The following EML3 variants were observed in gnomAD, a reference collection of about 807,000 sequenced individuals.
The protein encoded by EML3 is echinoderm microtubule-associated protein-like 3.
Under a neutral mutation model 106.7 loss-of-function variants are expected in EML3, and 53 were observed. That is an observed-to-expected ratio of 0.50 (90% confidence interval 0.40 to 0.62). The LOEUF (loss-of-function observed/expected upper bound fraction) is 0.62, where lower values mean the gene tolerates loss of function less well. Among genes scored for constraint, EML3 ranks in the 20% least tolerant of loss-of-function variants. The pLI, the probability that EML3 is intolerant of heterozygous loss-of-function variation, is 0.00. For synonymous variants in EML3, 499 were observed against 489.6 expected (o/e 1.02, Z -0.25); for missense variants, 994 against 1,209.1 (o/e 0.82, Z 2.64).
chr11:62,609,086 G>T lies in EML3; in HGVS notation c.805C>A (p.Arg269Ser), dbSNP rs372168474. ...ATAAAGTAGACCACCTCCCCAGAGC[G>T]CAACACAAACAGATTAGAGCGGGAG... ...RDSRSNLFVLRSGEVVYFIAC... is the reference protein window; with the variant it reads ...RDSRSNLFVLSSGEVVYFIAC... The change falls in exon 7 of 22, where the codon CGC becomes AGC. Residue 269 changes from arginine to serine, a missense_variant. Arg to Ser is a moderately radical substitution (Grantham distance 110). Transcript: ENST00000394773. The T allele has an allele frequency of 6.2e-7, 1 of 1,613,922 alleles. No homozygotes were observed. Among genetic ancestry groups the T allele is most frequent in the Admixed American group, 1.7e-5 (1 of 59,994 alleles).
At position 62,605,451 on chromosome 11, in the gene EML3, C is replaced by A. The variant is rs1942460025; in HGVS notation, c.1914+191G>T. 2 of 835,380 alleles carry A rather than the reference C, an allele frequency of 2.4e-6. No individual in the cohort carries two copies. The highest frequency in any genetic ancestry group is 1.8e-6 in the Non-Finnish European group (1 of 561,174). The allele number at this position is 835,380 out of a possible 1,614,324, so 51.7% of individuals were successfully genotyped here. A position where few individuals can be genotyped will look rare whatever the true frequency, so the allele number is the denominator to read the frequency against. On this transcript the variant is annotated intron_variant, in intron 15 of 21. Coordinates refer to ENST00000394773, the MANE Select transcript of EML3 (RefSeq NM_153265.3). This position sits in a 1 kb window ranked among gnomAD's most constrained non-coding sequence, Gnocchi z 5.2. Reference sequence around the variant, plus strand: ...GGGGTTCTGGGGGCGGCAGGGAGTGCCCAGGTGGTACTAGAAGCATCAGCT... The same window carrying A: ...GGGGTTCTGGGGGCGGCAGGGAGTGACCAGGTGGTACTAGAAGCATCAGCT...
chr11:62,607,542 G>GAAAA, intron 11 of EML3, 124 bp downstream of exon 11: 1 of 950,678 alleles, frequency 1.1e-6, no homozygotes, highest in South Asian at 2.1e-5. Context: ...CGTCTCAAAA[G>GAAAA]AAAAAAAAAA....
Position 62,608,286 on chromosome 11 carries a change from G to A in EML3, c.1121C>T (p.Ala374Val), listed in dbSNP as rs751348632. The A allele has an allele frequency of 6.2e-6, 10 of 1,613,918 alleles. No homozygotes were observed. Among genetic ancestry groups the A allele is most frequent in the Non-Finnish European group, 7.6e-6 (9 of 1,179,994 alleles). Residue 374 changes from alanine to valine, a missense_variant, in exon 10 of 22, where the codon GCC becomes GTC. Physicochemically the swap from Ala to Val is moderately conservative, Grantham distance 64. Around this residue, in one of 3 missense-constraint regions of EML3, gnomAD observed 713 missense variants for 920.5 expected, o/e 0.77. Coordinates refer to ENST00000394773, the MANE Select transcript of EML3 (RefSeq NM_153265.3). ...GGAATCATCCACCACACAAAGAAAG[G>A]CACCCTGATCCTGAAGAAGGGTGAC... ...ALAFSAADQG[A>V]FLCVVDDSNE...
intron 4 of EML3, among the ~76,000 whole-genome samples, chr11:62,610,497 T>C (rs1942754536): frequency 6.6e-6 from 1 of 152,112 alleles, no homozygotes; most frequent in Non-Finnish European, 1.5e-5. Context: ...TAGAAAAGCC[T>C]CTTGGGATCG....
Position 62,605,894 on chromosome 11 carries a change from C to CG in EML3, c.1742_1743insC (p.Arg582GlufsTer17). 1.2e-6 allele frequency: 2 copies of CG among 1,614,234 alleles called. No individual in the cohort carries two copies. The highest frequency in any genetic ancestry group is 1.7e-6 in the Non-Finnish European group (2 of 1,180,046). ...AGAAGCCCTGGGCCAGGTCTCCCCT[C>CG]AGCAATGCATTCTTCGTGGTTCCCA... On this transcript the variant is annotated frameshift_variant, in exon 14 of 22. Coordinates refer to ENST00000394773, the MANE Select transcript of EML3 (RefSeq NM_153265.3). LOFTEE classifies it high-confidence loss of function. The surrounding 1 kb of genome is among the most constrained non-coding windows in gnomAD (Gnocchi z 5.2).
In EML3 at chr11:62,602,600, A is replaced by T; in HGVS notation, c.2566T>A (p.Ser856Thr). ...ATGCTGGCGTCCTTGCCGCCCAGCG[A>T]GACGAGGTGCGAGTCGTCGTGCGTG... ...RFTHDDSHLVSLGGKDASIFQ... is the reference protein window; with the variant it reads ...RFTHDDSHLVTLGGKDASIFQ... The change falls in exon 22 of 22, where the codon TCG becomes ACG. Residue 856 changes from serine to threonine, a missense_variant. This residue lies in a region of EML3 where 713 missense variants were observed against 920.5 expected (regional missense o/e 0.77). Transcript: ENST00000394773. 6.4e-7 allele frequency: 1 copy of T among 1,558,952 alleles called. No individual in the cohort carries two copies. Among genetic ancestry groups the T allele is most frequent in the Non-Finnish European group, 8.7e-7 (1 of 1,154,906 alleles).
At chr11:62,607,378 C>A in intron 11 of EML3, 1 of 465,930 alleles carries the variant, frequency 2.1e-6, no homozygotes, top group Non-Finnish European at 3.8e-6. Context: ...AACCGTATCT[C>A]TATTAAAAAT....
At chr11:62,609,507 C>T (rs757282927) in intron 5 of EML3, 30 bp from the exon 6 acceptor site, 1 of 1,543,190 alleles carries the variant, frequency 6.5e-7, no homozygotes, top group Non-Finnish European at 8.8e-7. Flanking sequence ...TGTCAACTAC[C>T]CCCTTCCAGG....
At position 62,608,917 on chromosome 11, in the gene EML3, C is replaced by T. The variant is rs201065618; in HGVS notation, c.929+45G>A. On this transcript the variant is annotated intron_variant, in intron 7 of 21. Transcript: ENST00000394773. ...CTCTTTTCTCCTGCTTCTCCATCCCCCCAGACCCTCTTCCTGCCAAGCCCA... is the reference window on the plus strand; with the variant it reads ...CTCTTTTCTCCTGCTTCTCCATCCCTCCAGACCCTCTTCCTGCCAAGCCCA... The T allele has an allele frequency of 1.4e-5, 23 of 1,608,732 alleles. No homozygotes were observed. The East Asian group carries it at 4.9e-4, about 34-fold the overall frequency.
At position 62,606,971 on chromosome 11, in the gene EML3, C is replaced by T. The variant is rs1233155819; in HGVS notation, c.1491G>A (p.Arg497=). The change falls in exon 12 of 22, where the codon AGG becomes AGA. Residue 497 remains arginine, a synonymous_variant. Transcript: ENST00000394773. ...RSPSDSKTPG[R]GGAKETYGIV... ...CCAGCCACATACCTTTGGCGCCACC[C>T]CTGCCTGGGGTCTTGGAATCTGAAG... The T allele has an allele frequency of 6.2e-7, 1 of 1,613,916 alleles. No individual in the cohort carries two copies. Among genetic ancestry groups the T allele is most frequent in the Non-Finnish European group, 8.5e-7 (1 of 1,179,928 alleles).
chr11:62,608,493 G>A (rs1165532009), intron 9 of EML3, 49 bp downstream of exon 9: 4 of 1,558,544 alleles, frequency 2.6e-6, no homozygotes, highest in Non-Finnish European at 3.5e-6. Context: ...ATGCAAGAGT[G>A]GGGTTCCTAG....
intron 12 of EML3, among the ~76,000 whole-genome samples, chr11:62,606,735 T>G (rs1182001811): frequency 6.6e-6 from 1 of 152,158 alleles, no homozygotes; most frequent in Non-Finnish European, 1.5e-5. Context: ...CGTGTGCCTG[T>G]ACTTCCAGCT....
chr11:62,609,568 G>C, intron 5 of EML3, 61 bp downstream of exon 5: 1 of 1,565,848 alleles, frequency 6.4e-7, no homozygotes, highest in Non-Finnish European at 8.7e-7. Flanking sequence ...TAGCTCCTGG[G>C]GCTACAGCCC....
At chr11:62,608,468 A>G (rs1309195923) in intron 9 of EML3, 74 bp downstream of exon 9, 1 of 1,503,766 alleles carries the variant, frequency 6.6e-7, no homozygotes, top group African/African-American at 1.4e-5. Context: ...AGAACTTCCA[A>G]GGCTTCCTGG....
In EML3 at chr11:62,602,456, C is replaced by A; in HGVS notation, c.*19G>T. On this transcript the variant is annotated 3_prime_UTR_variant, in exon 22 of 22. Transcript: ENST00000394773. ...GGCGGGGCCACGCCGCCGGGCCAGT[C>A]GGTCCCGCCAGGCAGCGATCAAACG... is the stretch of plus-strand genomic sequence containing the variant. 6.5e-7 allele frequency: 1 copy of A among 1,543,816 alleles called. No individual in the cohort carries two copies. The highest frequency in any genetic ancestry group is 1.2e-5 in the South Asian group (1 of 83,822).
Position 62,603,247 on chromosome 11 carries a change from C to T in EML3, c.2258G>A (p.Trp753Ter). The T allele has an allele frequency of 6.2e-7, 1 of 1,613,378 alleles. No homozygotes were observed. Among genetic ancestry groups the T allele is most frequent in the Non-Finnish European group, 8.5e-7 (1 of 1,179,988 alleles). ...CTGCTTGCAGCCTCCAGCCACGTCC[C>T]CTGGGGAGAGGGAGCCCGCCCAGCT... ...SNSGDYEILY[W>*]DVAGGCKQLK... Residue 753 changes from tryptophan to a stop codon, truncating the protein, a stop_gained and splice_region_variant, in exon 20 of 22, where the codon TGG (tryptophan) becomes TAG (stop). Coordinates refer to ENST00000394773, the MANE Select transcript of EML3 (RefSeq NM_153265.3). LOFTEE classifies it high-confidence loss of function.
At chr11:62,604,244 C>T in intron 16 of EML3, 43 bp from the exon 17 acceptor site, 1 of 1,602,090 alleles carries the variant, frequency 6.2e-7, no homozygotes, top group Non-Finnish European at 8.5e-7. Flanking sequence ...GACGAAAAGG[C>T]AGGATGTAAG....
rs1480205741 is a variant in EML3 at position 62,605,283 on chromosome 11, G to C, written c.1915-103C>G. The C allele has an allele frequency of 8.4e-7, 1 of 1,185,240 alleles. No individual in the cohort carries two copies. The highest frequency in any genetic ancestry group is 1.2e-6 in the Non-Finnish European group (1 of 848,018). 73.4% of individuals were successfully genotyped at this position (1,185,240 alleles called of 1,614,324 possible). A position where few individuals can be genotyped will look rare whatever the true frequency, so the allele number is the denominator to read the frequency against. ...CTTCAAAGCCACTTACTCCCAAGGA[G>C]AAGATGGGAAGAGAGGGAAGGGATA... On this transcript the variant is annotated intron_variant, in intron 15 of 21. Transcript: ENST00000394773. The surrounding 1 kb of genome is among the most constrained non-coding windows in gnomAD (Gnocchi z 5.2).
At chr11:62,609,509 C>A (rs781538576) in intron 5 of EML3, 32 bp from the exon 6 acceptor site, 10 of 1,543,124 alleles carry the variant, frequency 6.5e-6, no homozygotes, top group Admixed American at 2.0e-5. Flanking sequence ...TCAACTACCC[C>A]CTTCCAGGAA....
Sources: gnomAD v4.1 joint callset for allele counts (sites outside exome capture counted in the v4.1 genomes callset) on GRCh38, gnomAD v4.1.1 for gene constraint, gnomAD v4.1.1 regional missense constraint, Gnocchi (gnomAD v3.1) non-coding constraint, MANE v1.5 for transcripts, NCBI Gene and HGNC (gene_info 2026-07-23, HGNC 2026-07-21) for gene names.